The following PLEC variants were observed in gnomAD, a reference collection of about 807,000 sequenced individuals.
PLEC encodes the protein hemidesmosomal protein 1.
Under a neutral mutation model 392.8 loss-of-function variants are expected in PLEC, and 216 were observed. The observed-to-expected ratio is 0.55, with a 90% CI of 0.49 to 0.62. PLEC has a LOEUF of 0.62. Among genes scored for constraint, PLEC ranks in the 20% least tolerant of loss-of-function variants. The pLI, the probability that PLEC is intolerant of heterozygous loss-of-function variation, is 0.00. For missense variants in PLEC, 6,863 were observed against 6,563.4 expected, an observed-to-expected ratio of 1.05 and a Z score of -1.58; for synonymous variants, 3,621 against 2,980.6, an observed-to-expected ratio of 1.21 and a Z score of -7.00.
At chr8:143,970,550 G>A (rs1833372614) in intron 1 of PLEC, among the ~76,000 whole-genome samples, 1 of 152,152 alleles carries the variant, frequency 6.6e-6, no homozygotes, top group Non-Finnish European at 1.5e-5. Context: ...TTATTGAGAG[G>A]TAATTCACAT....
Position 143,935,900 on chromosome 8 carries a change from T to C in PLEC, c.550A>G (p.Thr184Ala). Reference protein sequence around the residue: ...GYQGLRCDNFTSSWRDGRLFN... With the variant: ...GYQGLRCDNFASSWRDGRLFN... ...AGGCGGCCGTCTCTCCAGCTGGAGG[T>C]GAAGTTGTCGCATCGCAGGCCCTGG... Residue 184 changes from threonine to alanine, a missense_variant, in exon 6 of 32, where the codon ACC (threonine) becomes GCC (alanine). Thr to Ala is a moderately conservative substitution (Grantham distance 58, BLOSUM62 0). Coordinates refer to ENST00000345136, the MANE Select transcript of PLEC (RefSeq NM_201384.3). 6.2e-7 allele frequency: 1 copy of C among 1,612,666 alleles called. No individual in the cohort carries two copies. Among genetic ancestry groups the C allele is most frequent in the East Asian group, 2.2e-5 (1 of 44,884 alleles).
rs782532815 is a variant in PLEC, at chr8:143,920,526, C to T, written c.9295G>A (p.Glu3099Lys). 5.2e-5 allele frequency: 83 copies of T among 1,611,228 alleles called. No individual in the cohort carries two copies. Among genetic ancestry groups the T allele is most frequent in the South Asian group, 1.2e-4 (11 of 91,026 alleles). ...TCCCTGTACCCTGTCACAGCCTTCT[C>T]GGCTGATAGCAGCTTCTCATGAAAC... ...PEFHEKLLSAEKAVTGYRDPY... is the reference protein window; with the variant it reads ...PEFHEKLLSAKKAVTGYRDPY... The change falls in exon 32 of 32, where the codon GAG becomes AAG. Residue 3099 changes from glutamate (E) to lysine (K), a missense_variant. Glu to Lys is a moderately conservative substitution (Grantham distance 56). Transcript: ENST00000345136.
chr8:143,936,402 C>T (rs2132147960), intron 5 of PLEC, among the ~76,000 whole-genome samples: 1 of 152,380 alleles, frequency 6.6e-6, no homozygotes, highest in South Asian at 2.1e-4. Flanking sequence ...AAGTGTACCA[C>T]TAAACCTGGC....
chr8:143,949,861 C>T (rs1554734514), intron 1 of PLEC, among the ~76,000 whole-genome samples: 1 of 152,184 alleles, frequency 6.6e-6, no homozygotes, highest in Non-Finnish European at 1.5e-5. Context: ...AGACAGGTCA[C>T]TGGGACAGGA....
chr8:143,952,627 A>C (rs1425107948), upstream of PLEC, among the ~76,000 whole-genome samples: 2 of 147,922 alleles, frequency 1.4e-5, no homozygotes, highest in Non-Finnish European at 1.5e-5. Context: ...CCCTAACCTA[A>C]TCCCCCCCAG....
Position 143,939,415 on chromosome 8 carries a change from C to T in PLEC, c.47G>A (p.Arg16Gln), listed in dbSNP as rs202012068. ...GTTGTCCTCCGAGCTGGTTCTCTTTCGGCCCAGGCCCTCGGGCTGCGGCAC... is the reference window on the plus strand; with the variant it reads ...GTTGTCCTCCGAGCTGGTTCTCTTTTGGCCCAGGCCCTCGGGCTGCGGCAC... Reference protein sequence around the residue: ...LRVPQPEGLGRKRTSSEDNLY... With the variant: ...LRVPQPEGLGQKRTSSEDNLY... The change falls in exon 1 of 32, where the codon CGA (arginine) becomes CAA (glutamine). Residue 16 changes from arginine to glutamine, a missense_variant. Coordinates refer to ENST00000345136, the MANE Select transcript of PLEC (RefSeq NM_201384.3). 6.5e-5 allele frequency: 105 copies of T among 1,612,644 alleles called. No individual in the cohort carries two copies. In the African/African-American group the frequency reaches 8.9e-4, roughly 14 times the overall value.
intron 18 of PLEC, 98 bp from the exon 19 acceptor site, chr8:143,931,757 G>C: frequency 6.5e-7 from 1 of 1,538,776 alleles, no homozygotes; most frequent in South Asian, 1.2e-5. Flanking sequence ...ACTGAGGAAG[G>C]AGTGGCAAAG....
At chr8:143,968,090 T>C (rs1833206093) in intron 1 of PLEC, among the ~76,000 whole-genome samples, 1 of 150,896 alleles carries the variant, frequency 6.6e-6, no homozygotes, top group Non-Finnish European at 1.5e-5. Context: ...ATCATGCCAC[T>C]GCACTCCAGC....
chr8:143,955,944 CT>C (rs57462492), upstream of PLEC, among the ~76,000 whole-genome samples: 43,268 of 125,336 alleles, frequency 0.35, 7,093 homozygotes, highest in African/African-American at 0.37. Context: ...CCTAGGGAGA[CT>C]TTTTTTTTTT....
At position 143,917,793 on chromosome 8, in the gene PLEC, C is replaced by T. The variant is rs782509992; in HGVS notation, c.12028G>A (p.Ala4010Thr). ...FKDKLLSAER[A>T]VTGYKDPYSG... ...TAGGGGTCCTTGTACCCAGTGACGGCGCGCTCGGCCGACAGCAGCTTGTCC... is the reference window on the plus strand; with the variant it reads ...TAGGGGTCCTTGTACCCAGTGACGGTGCGCTCGGCCGACAGCAGCTTGTCC... The change falls in exon 32 of 32, where the codon GCC becomes ACC. Residue 4010 changes from alanine to threonine, a missense_variant. Physicochemically the swap from Ala to Thr is moderately conservative, Grantham distance 58 (BLOSUM62 0). Coordinates refer to ENST00000345136, the MANE Select transcript of PLEC (RefSeq NM_201384.3). The T allele has an allele frequency of 2.0e-5, 33 of 1,613,272 alleles. No homozygotes were observed. Among genetic ancestry groups the T allele is most frequent in the Non-Finnish European group, 1.2e-5 (14 of 1,179,996 alleles).
chr8:143,953,968 A>G, upstream of PLEC: 1 of 1,298,582 alleles, frequency 7.7e-7, no homozygotes, highest in Non-Finnish European at 1.0e-6. Context: ...CGCACCGCGC[A>G]CCCCTCCCCC....
chr8:143,970,395 C>T (rs1194977523), intron 1 of PLEC, among the ~76,000 whole-genome samples: 2 of 152,114 alleles, frequency 1.3e-5, no homozygotes, highest in African/African-American at 4.8e-5. Context: ...GATCGCTGTG[C>T]ATGAGAGAGG....
chr8:143,950,832 G>A (rs1452853746), exon 1 of PLEC: 27 of 1,484,570 alleles, frequency 1.8e-5, no homozygotes, highest in South Asian at 9.3e-5. Flanking sequence ...CAGGGCAGGC[G>A]GGCGGGCAGG....
chr8:143,954,129 A>G (rs1587379596), upstream of PLEC, among the ~76,000 whole-genome samples: 1 of 125,634 alleles, frequency 8.0e-6, no homozygotes, highest in South Asian at 2.8e-4. The surrounding 1 kb of genome is among the most constrained non-coding windows in gnomAD (Gnocchi z 4.6). Context: ...GCAACGAGCC[A>G]TGCTTAGAAC....
intron 1 of PLEC, among the ~76,000 whole-genome samples, chr8:143,945,549 T>C (rs988715371): frequency 6.6e-6 from 1 of 152,130 alleles, no homozygotes; most frequent in African/African-American, 2.4e-5. Flanking sequence ...ACGTTGACGG[T>C]ATACCCCATT....
chr8:143,953,982 G>GAA, upstream of PLEC: 1 of 1,265,188 alleles, frequency 7.9e-7, no homozygotes, highest in Non-Finnish European at 1.0e-6. Flanking sequence ...CTCCCCCCCA[G>GAA]CCTGTGGTTC....
rs782492333 is a variant in PLEC at position 143,916,491 on chromosome 8, T to C, written c.13330A>G (p.Ile4444Val). Residue 4444 changes from isoleucine to valine, a missense_variant, in exon 32 of 32, where the codon ATC becomes GTC. Ile to Val is a conservative substitution (Grantham distance 29). Coordinates refer to ENST00000345136, the MANE Select transcript of PLEC (RefSeq NM_201384.3). The part of the protein sequence containing the change: ...YLTCPKTKLK[I>V]SYKDALDRSM... ...CGGTCCAGCGCGTCCTTATAGGAGA[T>C]CTTGAGCTTGGTCTTAGGGCAGGTG... The C allele has an allele frequency of 2.1e-5, 34 of 1,611,136 alleles. No individual in the cohort carries two copies. Among genetic ancestry groups the C allele is most frequent in the Non-Finnish European group, 2.9e-5 (34 of 1,179,264 alleles).
At position 143,969,479 on chromosome 8, in the gene PLEC, C is replaced by G. The variant is rs10217080; in HGVS notation, c.70+3924G>C. Among the ~76,000 whole-genome samples the G allele has an allele frequency of 0.023, 3,449 of 152,160 alleles. 109 individuals carry two copies. The highest frequency in any genetic ancestry group is 0.071 in the African/African-American group (2,939 of 41,432). ...GCCAAGAGGTGTCCAGTCGCCCAGC[C>G]CCCCAAGCCTGGCCTGTGACAGCTC... On this transcript the variant is annotated intron_variant, in intron 1 of 31. Coordinates refer to the PLEC transcript ENST00000356346. The surrounding 1 kb of genome is among the most constrained non-coding windows in gnomAD (Gnocchi z 5.1).
chr8:143,935,825 C>T, intron 6 of PLEC, 23 bp downstream of exon 6: 1 of 1,611,878 alleles, frequency 6.2e-7, no homozygotes, highest in South Asian at 1.1e-5. Context: ...AGCCCACAGC[C>T]CCCTGCCCCC....
Sources: gnomAD v4.1 joint callset for allele counts (sites outside exome capture counted in the v4.1 genomes callset) on GRCh38, gnomAD v4.1.1 for gene constraint, Gnocchi (gnomAD v3.1) non-coding constraint, MANE v1.5 for transcripts, NCBI Gene and HGNC (gene_info 2026-07-23, HGNC 2026-07-21) for gene names.